Variants in PARD3B observed in about 807,000 individuals in gnomAD.
The protein encoded by PARD3B is partitioning defective 3 homolog B.
A neutral mutation model predicts 130.2 loss-of-function variants in PARD3B; 103 were observed. The observed-to-expected ratio is 0.79, with a 90% CI of 0.67 to 0.93. The LOEUF (loss-of-function observed/expected upper bound fraction) is 0.93, where lower values mean the gene tolerates loss of function less well. Ranked by LOEUF, PARD3B falls within the 40% of genes least tolerant of loss-of-function variation. The pLI, the probability that PARD3B is intolerant of heterozygous loss-of-function variation, is 0.00. For missense variants in PARD3B, 1,609 were observed against 1,499.2 expected (o/e 1.07, Z -1.21); for synonymous variants, 583 against 553.2 (o/e 1.05, Z -0.76).
chr2:204,713,303 G>A (rs1454758742), intron 2 of PARD3B, among the ~76,000 whole-genome samples: 1 of 151,862 alleles, frequency 6.6e-6, no homozygotes, highest in African/African-American at 2.4e-5. Context: ...CAGTGTGCCA[G>A]TGTGAATGTT....
chr2:205,406,533 TTTA>T (rs1264526978), intron 19 of PARD3B, among the ~76,000 whole-genome samples: 1 of 152,016 alleles, frequency 6.6e-6, no homozygotes, highest in Non-Finnish European at 1.5e-5. Context: ...ATCTATTTCC[TTTA>T]TTGTCTTAAT....
intron 13 of PARD3B, among the ~76,000 whole-genome samples, chr2:205,179,627 A>G (rs2035676260): frequency 6.6e-6 from 1 of 152,228 alleles, no homozygotes; most frequent in Non-Finnish European, 1.5e-5. Flanking sequence ...TACCAGAGTA[A>G]GCTAATCCTT....
intron 18 of PARD3B, among the ~76,000 whole-genome samples, chr2:205,313,710 A>G (rs1199166428): frequency 6.6e-6 from 1 of 152,132 alleles, no homozygotes; most frequent in Non-Finnish European, 1.5e-5. Flanking sequence ...AGAAGGATAG[A>G]CCCCTTTATC....
At position 205,287,007 on chromosome 2, in the gene PARD3B, A is replaced by C. The variant is rs188856003; in HGVS notation, c.2186-13523A>C. On this transcript the variant is annotated intron_variant, in intron 16 of 22. Transcript: ENST00000406610. The surrounding 1 kb of genome is among the most constrained non-coding windows in gnomAD (Gnocchi z 4.8). Reference sequence around the variant, plus strand: ...TCAAGGTGAGCAAACCAATGTAATAAAACTCTTCTTGATGTAGAAGATTTG... The same window carrying C: ...TCAAGGTGAGCAAACCAATGTAATACAACTCTTCTTGATGTAGAAGATTTG... 6.6e-6 allele frequency among the ~76,000 whole-genome samples: 1 copy of C among 152,270 alleles called. No homozygotes were observed. Among genetic ancestry groups the C allele is most frequent in the East Asian group, 1.9e-4 (1 of 5,152 alleles).
intron 16 of PARD3B, among the ~76,000 whole-genome samples, chr2:205,262,642 C>T (rs1315154900): frequency 1.3e-5 from 2 of 152,026 alleles, no homozygotes; most frequent in South Asian, 2.1e-4. Context: ...TAAAAGACAA[C>T]GATTTTCTTG....
chr2:205,232,028 A>G (rs1371175094), intron 15 of PARD3B, among the ~76,000 whole-genome samples: 4 of 152,346 alleles, frequency 2.6e-5, no homozygotes, highest in East Asian at 3.9e-4. Context: ...GCAAGAGGCC[A>G]TTGCCTCTGT....
Position 205,351,295 on chromosome 2 carries a change from C to T in PARD3B, c.2630+49594C>T, listed in dbSNP as rs116279635. ...ACCGGTGTTTTTGATAAGACCACTC[C>T]TTTGTGGAGTTGTATCAGGGAATAG... On this transcript the variant is annotated intron_variant, in intron 18 of 22. Transcript: ENST00000406610. The surrounding 1 kb of genome is among the most constrained non-coding windows in gnomAD (Gnocchi z 4.2). 6.2e-3 allele frequency among the ~76,000 whole-genome samples: 947 copies of T among 152,216 alleles called. 5 individuals carry two copies. Among genetic ancestry groups the T allele is most frequent in the African/African-American group, 0.022 (906 of 41,532 alleles).
chr2:205,393,387 A>C (rs1184236719), intron 18 of PARD3B, among the ~76,000 whole-genome samples: 2 of 152,198 alleles, frequency 1.3e-5, no homozygotes, highest in African/African-American at 2.4e-5. Flanking sequence ...AGGTCCAGAA[A>C]ATACTATGAC....
chr2:205,430,661 C>G (rs925539209), intron 19 of PARD3B, among the ~76,000 whole-genome samples: 1 of 152,106 alleles, frequency 6.6e-6, no homozygotes, highest in African/African-American at 2.4e-5. Flanking sequence ...AATCATTTCA[C>G]AAGAAAGTAA....
At chr2:204,930,982 T>A (rs1687986910) in intron 2 of PARD3B, among the ~76,000 whole-genome samples, 1 of 152,156 alleles carries the variant, frequency 6.6e-6, no homozygotes, top group African/African-American at 2.4e-5. Flanking sequence ...GGCTTTTGCC[T>A]TTCTGTTTAA....
chr2:204,927,785 T>G (rs6720621), intron 2 of PARD3B, among the ~76,000 whole-genome samples: 35,936 of 151,980 alleles, frequency 0.24, 4,683 homozygotes, highest in Non-Finnish European at 0.3. Context: ...GCTATGTGGT[T>G]GAAGTATTAG....
intron 21 of PARD3B, among the ~76,000 whole-genome samples, chr2:205,511,970 T>TA (rs1286245592): frequency 3.3e-5 from 5 of 152,182 alleles, no homozygotes; most frequent in African/African-American, 1.2e-4. Context: ...TGGTTCTTAT[T>TA]AAGTAGTAAC....
intron 14 of PARD3B, among the ~76,000 whole-genome samples, chr2:205,190,190 G>A (rs569676643): frequency 2.0e-5 from 3 of 152,248 alleles, no homozygotes; most frequent in African/African-American, 4.8e-5. Flanking sequence ...TGCTACCTAA[G>A]AGTCTGGGAA....
intron 5 of PARD3B, among the ~76,000 whole-genome samples, chr2:205,108,546 T>C (rs531343016): frequency 7.4e-4 from 113 of 152,206 alleles, no homozygotes; most frequent in African/African-American, 2.6e-3. Flanking sequence ...CCAATTGTTA[T>C]GCTCACAGAC....
chr2:204,938,160 A>C (rs187870525), intron 2 of PARD3B, among the ~76,000 whole-genome samples: 1 of 152,266 alleles, frequency 6.6e-6, no homozygotes, highest in East Asian at 1.9e-4. Context: ...TTCTCATTGG[A>C]AATATTAAAG....
chr2:204,808,805 G>A (rs182098969), intron 2 of PARD3B, among the ~76,000 whole-genome samples: 3 of 152,184 alleles, frequency 2.0e-5, no homozygotes, highest in Admixed American at 2.0e-4. Flanking sequence ...ACATGAATGT[G>A]TCTTTATGGT....
At chr2:205,206,447 A>G (rs1459048042) in intron 15 of PARD3B, among the ~76,000 whole-genome samples, 1 of 144,838 alleles carries the variant, frequency 6.9e-6, no homozygotes, top group East Asian at 2.1e-4. Flanking sequence ...AGTCCCACCT[A>G]TGAGTGAGAA....
chr2:205,072,819 G>T (rs891574821), intron 4 of PARD3B, among the ~76,000 whole-genome samples: 1 of 152,040 alleles, frequency 6.6e-6, no homozygotes, highest in African/African-American at 2.4e-5. Flanking sequence ...TAAAAGCGAC[G>T]ATACCAACTT....
chr2:204,715,241 G>A (rs1276565587), intron 2 of PARD3B, among the ~76,000 whole-genome samples: 1 of 152,022 alleles, frequency 6.6e-6, no homozygotes, highest in Non-Finnish European at 1.5e-5. Context: ...ATTTAATATG[G>A]GATCCCTGTG....
Sources: allele counts gnomAD v4.1 joint callset (sites outside exome capture counted in the v4.1 genomes callset), GRCh38; gene constraint gnomAD v4.1.1; non-coding constraint Gnocchi (gnomAD v3.1); transcripts MANE v1.5; gene names NCBI Gene and HGNC (gene_info 2026-07-23, HGNC 2026-07-21).